CRK: variants seen among roughly 807,000 people sequenced by gnomAD.
CRK encodes the protein CRK proto-oncogene, adaptor protein.
In CRK, 4 loss-of-function variants were observed where a neutral mutation model predicts 29.8. That is an observed-to-expected ratio of 0.13 (90% confidence interval 0.07 to 0.31). CRK has a LOEUF of 0.31. Among genes scored for constraint, CRK ranks in the 10% least tolerant of loss-of-function variants. The pLI is 1.00. For synonymous variants in CRK, 153 were observed against 164.9 expected, an observed-to-expected ratio of 0.93 and a Z score of 0.55; for missense variants, 274 against 396.5, an observed-to-expected ratio of 0.69 and a Z score of 2.62.
At chr17:1,428,413 G>A (rs183265532) in intron 2 of CRK, among the ~76,000 whole-genome samples, 3 of 151,552 alleles carry the variant, frequency 2.0e-5, no homozygotes, top group Admixed American at 2.0e-4. Flanking sequence ...CACCGTGCCA[G>A]CCCTTCTTTC....
chr17:1,454,931 T>C (rs1317698376), intron 1 of CRK, among the ~76,000 whole-genome samples: 2 of 152,208 alleles, frequency 1.3e-5, no homozygotes, highest in Non-Finnish European at 2.9e-5. Flanking sequence ...AGGTAATTTA[T>C]GTTCTTGGCG....
At chr17:1,434,846 C>G (rs777868856) in intron 2 of CRK, among the ~76,000 whole-genome samples, 6 of 147,628 alleles carry the variant, frequency 4.1e-5, no homozygotes, top group Non-Finnish European at 9.0e-5. Flanking sequence ...AAAAGGAAAA[C>G]TTACTAAAAT....
chr17:1,455,864 G>C lies in CRK; in HGVS notation c.241+13C>G. The C allele has an allele frequency of 6.4e-7, 1 of 1,561,002 alleles. No homozygotes were observed. The highest frequency in any genetic ancestry group is 8.6e-7 in the Non-Finnish European group (1 of 1,156,966). On this transcript the variant is annotated intron_variant, in intron 1 of 2. Transcript: ENST00000300574. ...CACCCCGCCCAGGGCCCGCCGTCCC[G>C]TCAGTCCCTCACCGGGCGGAGGCTG...
intron 1 of CRK, among the ~76,000 whole-genome samples, chr17:1,439,959 C>A (rs1427814985): frequency 3.9e-5 from 6 of 151,974 alleles, no homozygotes; most frequent in Non-Finnish European, 7.4e-5. Context: ...TTGAGACCAG[C>A]GTAGGCAACA....
Position 1,422,871 on chromosome 17 carries a change from A to T in CRK, c.*642T>A. 1 of 398,688 alleles carries T rather than the reference A, an allele frequency of 2.5e-6. No individual in the cohort carries two copies. The highest frequency in any genetic ancestry group is 4.4e-6 in the Non-Finnish European group (1 of 226,092). 24.7% of individuals were successfully genotyped at this position (398,688 alleles called of 1,614,324 possible). A position where few individuals can be genotyped will look rare whatever the true frequency, so the allele number is the denominator to read the frequency against. On this transcript the variant is annotated 3_prime_UTR_variant, in exon 3 of 3. Transcript: ENST00000300574. ...AATGAAAATACACACTTATCTTAGG[A>T]ATTCACCTACTTACAGGTTTGGGGG...
rs1272608968 is a variant in CRK, at chr17:1,436,726, G to C, written c.671C>G (p.Pro224Arg). 1 of 1,606,824 alleles carries C rather than the reference G, an allele frequency of 6.2e-7. No homozygotes were observed. The highest frequency in any genetic ancestry group is 8.5e-7 in the Non-Finnish European group (1 of 1,177,020). Residue 224 changes from proline (P) to arginine (R), a missense_variant, in exon 2 of 3, where the codon CCC becomes CGC. Pro to Arg is a moderately radical substitution (Grantham distance 103, BLOSUM62 -2). Coordinates refer to ENST00000300574, the MANE Select transcript of CRK (RefSeq NM_016823.4). ...GGPEPGPYAQ[P>R]SVNTPLPNLQ... Reference sequence around the variant, plus strand: ...GTTAGGGAGCGGAGTGTTGACGCTGGGTTGGGCATAGGGCCCAGGCTCCGG... The same window carrying C: ...GTTAGGGAGCGGAGTGTTGACGCTGCGTTGGGCATAGGGCCCAGGCTCCGG...
Position 1,430,283 on chromosome 17 carries a change from AAGAG to A in CRK, c.777+6333_777+6336del, listed in dbSNP as rs1230773687. Among the ~76,000 whole-genome samples, 294 of 151,272 alleles carry A rather than the reference AAGAG, an allele frequency of 1.9e-3. 1 individual carries two copies. The highest frequency in any genetic ancestry group is 6.8e-3 in the African/African-American group (276 of 40,764). On this transcript the variant is annotated intron_variant, in intron 2 of 2. Transcript: ENST00000300574. Reference sequence around the variant, plus strand: ...GGTCTCGAATTCCTGACCTCAGGTGAAGAGTTCACCCACCTCGACCTCCCAAAGT... The same window carrying A: ...GGTCTCGAATTCCTGACCTCAGGTGATTCACCCACCTCGACCTCCCAAAGT...
chr17:1,456,106 G>T lies in CRK; in HGVS notation c.12C>A (p.Asn4Lys). MAG[N>K]FDSEERSSWY... ...AGCTACTCCGCTCCTCCGAGTCGAAGTTGCCCGCCATGGCTGCCTCCGCGC... is the reference window on the plus strand; with the variant it reads ...AGCTACTCCGCTCCTCCGAGTCGAATTTGCCCGCCATGGCTGCCTCCGCGC... The change falls in exon 1 of 3, where the codon AAC becomes AAA. Residue 4 changes from asparagine (N) to lysine (K), a missense_variant. Asn to Lys is a moderately conservative substitution (Grantham distance 94, BLOSUM62 0). Around this residue, in one of 3 missense-constraint regions of CRK, gnomAD observed 135 missense variants for 180.9 expected, o/e 0.75. Coordinates refer to ENST00000300574, the MANE Select transcript of CRK (RefSeq NM_016823.4). 6.5e-7 allele frequency: 1 copy of T among 1,549,290 alleles called. No homozygotes were observed. The highest frequency in any genetic ancestry group is 8.7e-7 in the Non-Finnish European group (1 of 1,151,434).
At chr17:1,423,890 C>G (rs1216642406) in intron 2 of CRK, among the ~76,000 whole-genome samples, 1 of 152,116 alleles carries the variant, frequency 6.6e-6, no homozygotes. Flanking sequence ...AAAGGGATTC[C>G]AGATAATGAT....
At chr17:1,451,230 A>G (rs2074015590) in intron 1 of CRK, among the ~76,000 whole-genome samples, 1 of 143,440 alleles carries the variant, frequency 7.0e-6, no homozygotes. Context: ...AATTTTAAAA[A>G]GCTTCTTCAT....
At chr17:1,440,562 T>C (rs1157216825) in intron 1 of CRK, among the ~76,000 whole-genome samples, 1 of 151,262 alleles carries the variant, frequency 6.6e-6, no homozygotes, top group Admixed American at 6.6e-5. Flanking sequence ...GGAGGACTGA[T>C]TGAGGCCAGT....
chr17:1,432,808 G>A (rs920808267), intron 2 of CRK, among the ~76,000 whole-genome samples: 8 of 150,136 alleles, frequency 5.3e-5, no homozygotes, highest in Admixed American at 4.0e-4. Context: ...GAAGAACAAA[G>A]ACAATATAAG....
intron 2 of CRK, among the ~76,000 whole-genome samples, chr17:1,432,213 G>A (rs1163992485): frequency 6.6e-6 from 1 of 152,200 alleles, no homozygotes; most frequent in East Asian, 1.9e-4. Flanking sequence ...CATAGGCCAG[G>A]CGGGGTGGCT....
At chr17:1,428,652 T>C (rs1260899722) in intron 2 of CRK, among the ~76,000 whole-genome samples, 2 of 149,930 alleles carry the variant, frequency 1.3e-5, no homozygotes, top group Non-Finnish European at 3.0e-5. Flanking sequence ...GCCTCCTGAG[T>C]AGCTGGGACT....
intron 1 of CRK, among the ~76,000 whole-genome samples, chr17:1,454,613 T>C (rs748757536): frequency 2.0e-5 from 3 of 152,192 alleles, no homozygotes; most frequent in Non-Finnish European, 4.4e-5. Flanking sequence ...ATTAGAACTA[T>C]TCTACAAGGG....
rs2073739916 is a variant in CRK at position 1,422,731 on chromosome 17, G to A, written c.*782C>T. On this transcript the variant is annotated 3_prime_UTR_variant, in exon 3 of 3. Coordinates refer to ENST00000300574, the MANE Select transcript of CRK (RefSeq NM_016823.4). Reference sequence around the variant, plus strand: ...CTGCTGTAGAAGGGTGACCTACTACGACCCTTTTGGGGAAGGCAGAGAGCT... The same window carrying A: ...CTGCTGTAGAAGGGTGACCTACTACAACCCTTTTGGGGAAGGCAGAGAGCT... 5.2e-6 allele frequency: 2 copies of A among 387,760 alleles called. No homozygotes were observed. The highest frequency in any genetic ancestry group is 9.1e-6 in the Non-Finnish European group (2 of 219,460). The allele number at this position is 387,760 out of a possible 1,614,324, so 24.0% of individuals were successfully genotyped here.
In CRK at chr17:1,422,935, T is replaced by C; in HGVS notation, c.*578A>G. ...GGGCTAAAAGAATCCCAAGAAAAAG[T>C]ATGAAGCATTGACTAGGAGGGAACA... On this transcript the variant is annotated 3_prime_UTR_variant, in exon 3 of 3. Transcript: ENST00000300574. 2.5e-6 allele frequency: 1 copy of C among 399,022 alleles called. No homozygotes were observed. Among genetic ancestry groups the C allele is most frequent in the Non-Finnish European group, 4.4e-6 (1 of 226,110 alleles). 24.7% of individuals were successfully genotyped at this position (399,022 alleles called of 1,614,324 possible). A position where few individuals can be genotyped will look rare whatever the true frequency, so the allele number is the denominator to read the frequency against.
chr17:1,438,584 G>A (rs182410727), intron 1 of CRK, among the ~76,000 whole-genome samples: 3 of 151,700 alleles, frequency 2.0e-5, no homozygotes, highest in South Asian at 2.1e-4. Flanking sequence ...TAGACTGTTC[G>A]CTATGAAGCA....
rs757456857 is a variant in CRK at position 1,455,926 on chromosome 17, G to A, written c.192C>T (p.Ser64=). Residue 64 remains serine (S), a synonymous_variant, in exon 1 of 3, where the codon AGC becomes AGT. Coordinates refer to ENST00000300574, the MANE Select transcript of CRK (RefSeq NM_016823.4). ...NSRVSHYIIN[S]SGPRPPVPPS... is the part of the protein sequence containing the mutation. ...GTGGCACCGGCGGGCGCGGGCCGCT[G>A]CTGTTGATGATGTAGTGGGAGACGC... The A allele has an allele frequency of 3.8e-6, 6 of 1,591,512 alleles. No homozygotes were observed. Among genetic ancestry groups the A allele is most frequent in the Admixed American group, 3.4e-5 (2 of 58,172 alleles).
Sources: allele counts gnomAD v4.1 joint callset (sites outside exome capture counted in the v4.1 genomes callset), GRCh38; gene constraint gnomAD v4.1.1; regional missense constraint gnomAD v4.1.1; transcripts MANE v1.5; gene names NCBI Gene and HGNC (gene_info 2026-07-23, HGNC 2026-07-21).